The following SOX5 variants were observed in gnomAD, a reference collection of about 807,000 sequenced individuals.
The protein encoded by SOX5 is transcription factor SOX-5.
Under a neutral mutation model 92.0 loss-of-function variants are expected in SOX5, and 9 were observed. The observed-to-expected ratio is 0.10, with a 90% CI of 0.06 to 0.17. The LOEUF is 0.17. Ranked by LOEUF, SOX5 falls within the 10% of genes least tolerant of loss-of-function variation. The probability of loss-of-function intolerance (pLI) is 1.00; values close to 1 mark genes in which losing one functional copy is unlikely to be tolerated. For synonymous variants in SOX5, 344 were observed against 336.3 expected (o/e 1.02, Z -0.25); for missense variants, 642 against 944.5 (o/e 0.68, Z 4.20).
At chr12:23,626,919 G>C (rs1019276061) in intron 8 of SOX5, among the ~76,000 whole-genome samples, 4 of 152,058 alleles carry the variant, frequency 2.6e-5, no homozygotes, top group Non-Finnish European at 4.4e-5. Flanking sequence ...AGGATATAAA[G>C]AACTCCCACA....
intron 11 of SOX5, among the ~76,000 whole-genome samples, chr12:23,548,675 C>T (rs1943616574): frequency 6.6e-6 from 1 of 151,586 alleles, no homozygotes; most frequent in Non-Finnish European, 1.5e-5. Flanking sequence ...ACAATAAATT[C>T]AGAAGAAAAA....
chr12:23,534,431 C>T lies in SOX5; in HGVS notation c.2080G>A (p.Glu694Lys). ...AGMPSPHLPS[E>K]HSSVSSSPEP... ...GGGCTGCTAGACACGCTTGAGTGCT[C>T]CGAGGGCAGGTGAGGGGAGGGCATC... The change falls in exon 15 of 15, where the codon GAG becomes AAG. Residue 694 changes from glutamate (E) to lysine (K), a missense_variant. Physicochemically the swap from Glu to Lys is moderately conservative, Grantham distance 56. This residue lies in a region of SOX5 where 130 missense variants were observed against 140.6 expected (regional missense o/e 0.92). Coordinates refer to ENST00000451604, the MANE Select transcript of SOX5 (RefSeq NM_006940.6). 6.2e-7 allele frequency: 1 copy of T among 1,614,076 alleles called. No individual in the cohort carries two copies. Among genetic ancestry groups the T allele is most frequent in the Non-Finnish European group, 8.5e-7 (1 of 1,180,008 alleles).
intron 10 of SOX5, 91 bp downstream of exon 10, chr12:23,575,569 TG>T: frequency 8.4e-7 from 1 of 1,195,224 alleles, no homozygotes; most frequent in Non-Finnish European, 1.2e-6. Flanking sequence ...ATTCAAGCCG[TG>T]TATAGAGTGG....
intron 11 of SOX5, among the ~76,000 whole-genome samples, chr12:23,552,849 C>T (rs1944458368): frequency 6.6e-6 from 1 of 151,878 alleles, no homozygotes; most frequent in African/African-American, 2.4e-5. Flanking sequence ...ATGATAGGCC[C>T]TTTTCATTTT....
chr12:24,443,441 G>GAT (rs1940972460), intron 1 of SOX5, among the ~76,000 whole-genome samples: 1 of 152,090 alleles, frequency 6.6e-6, no homozygotes, highest in African/African-American at 2.4e-5. Context: ...CATGATACCA[G>GAT]TCAATAAACA....
At chr12:24,265,142 AT>A (rs1327652842) in intron 3 of SOX5, among the ~76,000 whole-genome samples, 2 of 152,200 alleles carry the variant, frequency 1.3e-5, no homozygotes, top group East Asian at 3.8e-4. Flanking sequence ...ATATATTGAA[AT>A]TTTCGAAAAA....
chr12:24,052,687 A>G (rs1297451422), intron 4 of SOX5, among the ~76,000 whole-genome samples: 1 of 152,208 alleles, frequency 6.6e-6, no homozygotes, highest in Non-Finnish European at 1.5e-5. Context: ...AATTCCAGTG[A>G]CATGTGAAAT....
intron 3 of SOX5, among the ~76,000 whole-genome samples, chr12:23,810,267 C>T (rs546664673): frequency 1.3e-5 from 2 of 152,174 alleles, no homozygotes; most frequent in Admixed American, 6.5e-5. Context: ...ATGCAGCACA[C>T]GGTTTATTTA....
At chr12:23,951,584 T>C (rs184271162), upstream of SOX5, among the ~76,000 whole-genome samples, 367 of 152,290 alleles carry the variant, frequency 2.4e-3, 1 homozygote, top group Middle Eastern at 0.01. Flanking sequence ...AGCTTATAAA[T>C]TTTTAGACAA....
chr12:23,979,946 T>TAAATAGAC (rs1555459506), intron 4 of SOX5, among the ~76,000 whole-genome samples: 4 of 134,566 alleles, frequency 3.0e-5, no homozygotes, highest in African/African-American at 9.0e-5. Context: ...GATAGATAGA[T>TAAATAGAC]AGATAGACAG....
intron 4 of SOX5, among the ~76,000 whole-genome samples, chr12:24,142,049 T>C (rs912638534): frequency 2.6e-5 from 4 of 152,158 alleles, no homozygotes; most frequent in African/African-American, 9.7e-5. Context: ...CCTTTTATGT[T>C]CCTTTTAAAT....
chr12:24,558,730 T>C (rs1327957503), intron 1 of SOX5, among the ~76,000 whole-genome samples: 1 of 152,182 alleles, frequency 6.6e-6, no homozygotes, highest in Non-Finnish European at 1.5e-5. Context: ...TCATAAATAT[T>C]AGGTATGAGT....
intron 1 of SOX5, among the ~76,000 whole-genome samples, chr12:24,385,754 G>A (rs117463341): frequency 0.024 from 3,672 of 151,948 alleles, 71 homozygotes; most frequent in East Asian, 0.049. Flanking sequence ...CAGGGGCAAC[G>A]TAGTGAAATC....
In SOX5 at chr12:23,534,173, T is replaced by G. The variant is rs1241939112; in HGVS notation, c.*46A>C. On this transcript the variant is annotated 3_prime_UTR_variant, in exon 15 of 15. Coordinates refer to ENST00000451604, the MANE Select transcript of SOX5 (RefSeq NM_006940.6). ...TGGCCACTGGTAAGGATGAACCAGT[T>G]AGGGCTTCTTTAAGTCCTAAGGTCA... The G allele has an allele frequency of 1.3e-6, 2 of 1,540,090 alleles. No individual in the cohort carries two copies. Among genetic ancestry groups the G allele is most frequent in the Non-Finnish European group, 1.8e-6 (2 of 1,122,794 alleles).
At chr12:23,907,190 G>T (rs954666393) in intron 1 of SOX5, among the ~76,000 whole-genome samples, 3 of 152,122 alleles carry the variant, frequency 2.0e-5, no homozygotes, top group Non-Finnish European at 4.4e-5. Flanking sequence ...ATGTGTGTAT[G>T]TGTGCACACG....
intron 2 of SOX5, among the ~76,000 whole-genome samples, chr12:24,290,722 A>T (rs1946529353): frequency 6.6e-6 from 1 of 152,178 alleles, no homozygotes; most frequent in African/African-American, 2.4e-5. Flanking sequence ...GAGAGATATA[A>T]AAATAGATAG....
chr12:24,163,493 A>G (rs1050884858), intron 4 of SOX5, among the ~76,000 whole-genome samples: 10 of 145,832 alleles, frequency 6.9e-5, no homozygotes, highest in Admixed American at 2.7e-4. Flanking sequence ...TGGGCCTTCT[A>G]ATTTTTAATT....
intron 2 of SOX5, among the ~76,000 whole-genome samples, chr12:24,288,878 A>G (rs1409322155): frequency 6.6e-6 from 1 of 152,170 alleles, no homozygotes; most frequent in African/African-American, 2.4e-5. Context: ...TATAATAATT[A>G]ATAATCTATT....
intron 1 of SOX5, among the ~76,000 whole-genome samples, chr12:23,921,312 C>T (rs144336490): frequency 8.6e-5 from 13 of 151,820 alleles, no homozygotes; most frequent in African/African-American, 2.4e-4. Flanking sequence ...GCACAATGTA[C>T]GCCCTATGAA....
Sources: allele counts gnomAD v4.1 joint callset (sites outside exome capture counted in the v4.1 genomes callset), GRCh38; gene constraint gnomAD v4.1.1; regional missense constraint gnomAD v4.1.1; transcripts MANE v1.5; gene names NCBI Gene and HGNC (gene_info 2026-07-23, HGNC 2026-07-21).